Variants in PSMD1 observed in about 807,000 individuals in gnomAD.
The protein encoded by PSMD1 is 26S proteasome non-ATPase regulatory subunit 1.
PSMD1 carries 18 observed loss-of-function variants against 119.0 expected under a neutral mutation model. That is an observed-to-expected ratio of 0.15 (90% CI 0.10 to 0.22). PSMD1 has a LOEUF of 0.22. Among genes scored for constraint, PSMD1 ranks in the 10% least tolerant of loss-of-function variants. The pLI is 1.00. For missense variants in PSMD1, 702 were observed against 1,158.5 expected (o/e 0.61, Z 5.72); for synonymous variants, 374 against 396.6 (o/e 0.94, Z 0.68).
intron 4 of PSMD1, among the ~76,000 whole-genome samples, chr2:231,064,198 A>G (rs559714059): frequency 6.6e-6 from 1 of 152,260 alleles, no homozygotes; most frequent in South Asian, 2.1e-4. Context: ...CCCTTCCTCT[A>G]GTTTTGTAGG....
Position 231,105,517 on chromosome 2 carries a change from A to G in PSMD1, c.1883+18336A>G, listed in dbSNP as rs537232834. ...GTATATCTGTTGATATTAAGTTTCT[A>G]TAATGAACAAATTGATAATCTGATA... On this transcript the variant is annotated intron_variant, in intron 16 of 24. Transcript: ENST00000308696. Among the ~76,000 whole-genome samples, 29 of 152,180 alleles carry G rather than the reference A, an allele frequency of 1.9e-4. No homozygotes were observed. In the South Asian group the frequency reaches 4.1e-3, roughly 22 times the overall value.
chr2:231,078,629 G>A, intron 9 of PSMD1, 30 bp from the exon 10 acceptor site: 1 of 1,563,132 alleles, frequency 6.4e-7, no homozygotes, highest in Non-Finnish European at 8.7e-7. Context: ...CTTTGCCAGT[G>A]ATGAAACAAT....
intron 16 of PSMD1, among the ~76,000 whole-genome samples, chr2:231,110,867 A>G (rs1036025070): frequency 6.6e-6 from 1 of 152,218 alleles, no homozygotes; most frequent in Admixed American, 6.5e-5. Context: ...CAGAAACCAT[A>G]TACGCCCTGC....
At chr2:231,161,238 TA>T (rs35533383) in intron 19 of PSMD1, 101 bp from the exon 20 acceptor site, 124,853 of 915,028 alleles carry the variant, frequency 0.14, 3 homozygotes, top group South Asian at 0.18. Context: ...CCTATCTCTT[TA>T]AAAAAAAAAA....
At chr2:231,131,747 G>GC (rs1175206318) in intron 16 of PSMD1, among the ~76,000 whole-genome samples, 1 of 131,762 alleles carries the variant, frequency 7.6e-6, no homozygotes, top group Non-Finnish European at 1.6e-5. Flanking sequence ...GGGCGACAGA[G>GC]CGAGACTCCG....
intron 22 of PSMD1, 68 bp downstream of exon 22, chr2:231,165,354 T>C: frequency 6.9e-7 from 1 of 1,453,842 alleles, no homozygotes; most frequent in South Asian, 1.4e-5. Flanking sequence ...GATTCTTCCT[T>C]AGTTGAATAT....
chr2:231,071,617 G>A lies in PSMD1; in HGVS notation c.655-572G>A, dbSNP rs1694042608. On this transcript the variant is annotated intron_variant, in intron 6 of 24. Coordinates refer to ENST00000308696, the MANE Select transcript of PSMD1 (RefSeq NM_002807.4). ...TTAATTTATAATAACTTTGATTAAT[G>A]TGTTTATTTTGAAGTTGAGTTACTT... Among the ~76,000 whole-genome samples, 2 of 151,990 alleles carry A rather than the reference G, an allele frequency of 1.3e-5. 1 individual carries two copies. The highest frequency in any genetic ancestry group is 4.1e-4 in the South Asian group (2 of 4,826).
At chr2:231,064,666 T>A (rs1363785639) in intron 4 of PSMD1, among the ~76,000 whole-genome samples, 2 of 152,192 alleles carry the variant, frequency 1.3e-5, no homozygotes, top group Admixed American at 1.3e-4. Flanking sequence ...ACTGTGTTTT[T>A]TTGTTTGTCT....
chr2:231,083,872 T>C, intron 14 of PSMD1, 109 bp downstream of exon 14: 2 of 1,084,034 alleles, frequency 1.8e-6, no homozygotes, highest in South Asian at 3.1e-5. Context: ...GTACACTTAT[T>C]CATAAAACTT....
chr2:231,156,881 T>C (rs553007965), intron 19 of PSMD1, among the ~76,000 whole-genome samples: 7 of 152,346 alleles, frequency 4.6e-5, no homozygotes, highest in Admixed American at 1.3e-4. Flanking sequence ...TATTATTAGC[T>C]GTAGTCATCA....
chr2:231,105,587 GT>G (rs1268193774), intron 16 of PSMD1, among the ~76,000 whole-genome samples: 1 of 151,802 alleles, frequency 6.6e-6, no homozygotes, highest in African/African-American at 2.4e-5. Flanking sequence ...CCCTTGCAGG[GT>G]GCTATGACTT....
intron 16 of PSMD1, chr2:231,125,256 GAGCT>G (rs1372684435): frequency 6.6e-6 from 1 of 152,160 alleles, no homozygotes; most frequent in African/African-American, 2.4e-5. Context: ...ATATTTTTAA[GAGCT>G]CTCTTTAATA....
At chr2:231,079,974 G>T (rs1694266526) in intron 11 of PSMD1, among the ~76,000 whole-genome samples, 167 bp from the exon 12 acceptor site, 1 of 151,978 alleles carries the variant, frequency 6.6e-6, no homozygotes, top group South Asian at 2.1e-4. Context: ...CTCTTTAAAG[G>T]CTTGTCCTCT....
intron 16 of PSMD1, among the ~76,000 whole-genome samples, chr2:231,136,444 A>G (rs1695967456): frequency 6.6e-6 from 1 of 152,246 alleles, no homozygotes; most frequent in Admixed American, 6.5e-5. Flanking sequence ...CCTTGGGCCA[A>G]TAGTTTATGA....
At chr2:231,166,076 T>A in intron 23 of PSMD1, 59 bp downstream of exon 23, 2 of 1,425,118 alleles carry the variant, frequency 1.4e-6, no homozygotes, top group Non-Finnish European at 1.9e-6. Flanking sequence ...CATAGGACAA[T>A]AGAATATTGA....
At chr2:231,122,301 T>A (rs1264772864) in intron 16 of PSMD1, among the ~76,000 whole-genome samples, 1 of 152,150 alleles carries the variant, frequency 6.6e-6, no homozygotes, top group Non-Finnish European at 1.5e-5. Flanking sequence ...GTTTTAGATA[T>A]CTTTCTGTTA....
chr2:231,123,506 A>T (rs1695621956), intron 16 of PSMD1: 2 of 1,614,014 alleles, frequency 1.2e-6, no homozygotes, highest in Admixed American at 1.7e-5. Flanking sequence ...TTAGTAGCAT[A>T]CTGCAGCTTC....
At chr2:231,145,752 G>A (rs1215509281) in intron 17 of PSMD1, among the ~76,000 whole-genome samples, 1 of 151,660 alleles carries the variant, frequency 6.6e-6, no homozygotes, top group African/African-American at 2.4e-5. Context: ...AATTAGCCGG[G>A]GGTGGTAGCA....
At chr2:231,063,424 AGAG>A (rs1693808230) in intron 4 of PSMD1, among the ~76,000 whole-genome samples, 1 of 152,254 alleles carries the variant, frequency 6.6e-6, no homozygotes, top group Non-Finnish European at 1.5e-5. Flanking sequence ...TTCATAGTAC[AGAG>A]AGCTCAAGGG....
Sources: allele counts gnomAD v4.1 joint callset (sites outside exome capture counted in the v4.1 genomes callset), GRCh38; gene constraint gnomAD v4.1.1; transcripts MANE v1.5; gene names NCBI Gene and HGNC (gene_info 2026-07-23, HGNC 2026-07-21).